The following RCAN3 variants were observed in gnomAD, a reference collection of about 807,000 sequenced individuals.
RCAN3 encodes calcipressin-3.
In RCAN3, 19 loss-of-function variants were observed where a neutral mutation model predicts 21.9. That is an observed-to-expected ratio of 0.87 (90% confidence interval 0.61 to 1.27). RCAN3 has a LOEUF of 1.27. Ranked by LOEUF, RCAN3 falls within the 50% of genes most tolerant of loss-of-function variation. RCAN3 has a pLI of 0.00. For missense variants in RCAN3, 240 were observed against 300.1 expected, an observed-to-expected ratio of 0.80 and a Z score of 1.48; for synonymous variants, 114 against 112.3, an observed-to-expected ratio of 1.01 and a Z score of -0.09.
At chr1:24,532,745 G>A (rs998603511) in intron 3 of RCAN3, among the ~76,000 whole-genome samples, 3 of 150,496 alleles carry the variant, frequency 2.0e-5, no homozygotes, top group Non-Finnish European at 3.0e-5. Flanking sequence ...TCAGGAGATC[G>A]AGACCATCCT....
chr1:24,533,311 C>A, intron 4 of RCAN3, 57 bp downstream of exon 4: 1 of 1,373,918 alleles, frequency 7.3e-7, no homozygotes, highest in South Asian at 1.6e-5. Flanking sequence ...TATTGAAGAT[C>A]GTATTCAGCA....
chr1:24,519,433 A>G (rs749301924), intron 2 of RCAN3, among the ~76,000 whole-genome samples: 5 of 152,020 alleles, frequency 3.3e-5, no homozygotes, highest in Non-Finnish European at 7.4e-5. Flanking sequence ...TAACATGAGA[A>G]ATGGGACTGT....
intron 1 of RCAN3, chr1:24,507,807 G>A (rs574863826): frequency 7.9e-5 from 12 of 152,398 alleles, no homozygotes; most frequent in Admixed American, 2.0e-4. Flanking sequence ...ACGGCTAGGC[G>A]TGGTGGCGGC....
chr1:24,525,885 C>T lies in RCAN3; in HGVS notation c.196-5333C>T, dbSNP rs1469550201. Among the ~76,000 whole-genome samples the T allele has an allele frequency of 6.6e-6, 1 of 152,146 alleles. No homozygotes were observed. The highest frequency in any genetic ancestry group is 2.4e-5 in the African/African-American group (1 of 41,418). ...AGGGCAAAGCTACCAGCTGAGGGCT[C>T]GTAACCATTTTTCACAAATAGGAAA... On this transcript the variant is annotated intron_variant, in intron 2 of 4. Transcript: ENST00000374395. This position sits in a 1 kb window ranked among gnomAD's most constrained non-coding sequence, Gnocchi z 4.1.
chr1:24,523,635 C>T (rs911408668), intron 2 of RCAN3, among the ~76,000 whole-genome samples: 10,284 of 139,646 alleles, frequency 0.074, 1,164 homozygotes, highest in African/African-American at 0.26. Context: ...CACACACACA[C>T]ACACACATAT....
Position 24,539,725 on chromosome 1 carries a change from A to G in RCAN3, c.*4448A>G, listed in dbSNP as rs1037149176. 1.3e-5 allele frequency: 2 copies of G among 152,210 alleles called. No individual in the cohort carries two copies. The highest frequency in any genetic ancestry group is 2.4e-5 in the African/African-American group (1 of 41,444). The allele number at this position is 152,210 out of a possible 1,614,324, so 9.4% of individuals were successfully genotyped here. A position where few individuals can be genotyped will look rare whatever the true frequency, so the allele number is the denominator to read the frequency against. On this transcript the variant is annotated 3_prime_UTR_variant, in exon 5 of 5. Coordinates refer to ENST00000374395, the MANE Select transcript of RCAN3 (RefSeq NM_013441.4). Reference sequence around the variant, plus strand: ...TCTCACACATAATTAAGCAGTGGAAAATGTGCTCAATGCTATGGTGCGTCA... The same window carrying G: ...TCTCACACATAATTAAGCAGTGGAAGATGTGCTCAATGCTATGGTGCGTCA...
intron 1 of RCAN3, among the ~76,000 whole-genome samples, chr1:24,510,538 C>T (rs1328968086): frequency 6.6e-6 from 1 of 152,232 alleles, no homozygotes; most frequent in East Asian, 1.9e-4. Flanking sequence ...CTTCAGCTTC[C>T]TCAGCTCTCT....
At chr1:24,513,953 A>T (rs899170673) in intron 1 of RCAN3, among the ~76,000 whole-genome samples, 18 of 152,338 alleles carry the variant, frequency 1.2e-4, no homozygotes, top group African/African-American at 4.1e-4. Flanking sequence ...AAAACCCCAA[A>T]CAAATATGTG....
intron 2 of RCAN3, among the ~76,000 whole-genome samples, chr1:24,517,089 T>G (rs1219830292): frequency 3.4e-5 from 5 of 147,400 alleles, no homozygotes; most frequent in African/African-American, 1.3e-4. Flanking sequence ...TTTTTGTTTT[T>G]TTTTGTTTTT....
At position 24,524,739 on chromosome 1, in the gene RCAN3, C is replaced by G. The variant is rs561836457; in HGVS notation, c.196-6479C>G. On this transcript the variant is annotated intron_variant, in intron 2 of 4. Transcript: ENST00000374395. ...AATATAAATCTCTTGCCTTAGGATG[C>G]TAAAGATAATTTCACTGCTGAATGG... Among the ~76,000 whole-genome samples, 217 of 151,946 alleles carry G rather than the reference C, an allele frequency of 1.4e-3. 1 individual carries two copies. The highest frequency in any genetic ancestry group is 1.9e-3 in the Non-Finnish European group (128 of 67,980).
chr1:24,518,161 T>TA lies in RCAN3; in HGVS notation c.195+3601dup, dbSNP rs939638116. On this transcript the variant is annotated intron_variant, in intron 2 of 4. Transcript: ENST00000374395. ...CCAACATAGCAAGACCCCATCTCTA[T>TA]AAAAAAATTTTTTTTTCCCAGCTTG... Among the ~76,000 whole-genome samples, 10 of 151,884 alleles carry TA rather than the reference T, an allele frequency of 6.6e-5. 1 individual carries two copies. Among genetic ancestry groups the TA allele is most frequent in the Non-Finnish European group, 1.0e-4 (7 of 67,980 alleles).
At chr1:24,521,909 G>T (rs988023518) in intron 2 of RCAN3, among the ~76,000 whole-genome samples, 1 of 151,790 alleles carries the variant, frequency 6.6e-6, no homozygotes. Flanking sequence ...TTGCTGGGGG[G>T]GGTGGGGAAA....
Position 24,514,332 on chromosome 1 carries a change from C to G in RCAN3, c.-41C>G. The G allele has an allele frequency of 5.8e-6, 9 of 1,556,528 alleles. No homozygotes were observed. The highest frequency in any genetic ancestry group is 7.8e-6 in the Non-Finnish European group (9 of 1,149,292). On this transcript the variant is annotated 5_prime_UTR_variant, in exon 2 of 5. The change creates a new upstream start codon in the 5' untranslated region. Coordinates refer to ENST00000374395, the MANE Select transcript of RCAN3 (RefSeq NM_013441.4). ...TTAACAGTGGGTGCCTGATAGACAT[C>G]CTAGGACTATACAGAAGGAAAAGGC...
chr1:24,531,713 A>G (rs970667531), intron 3 of RCAN3, among the ~76,000 whole-genome samples: 16 of 152,184 alleles, frequency 1.1e-4, no homozygotes, highest in Admixed American at 2.0e-4. Context: ...TCTCCTGTGC[A>G]TCTAGAATGG....
chr1:24,504,440 T>G (rs1345975888), intron 1 of RCAN3, among the ~76,000 whole-genome samples: 1 of 148,054 alleles, frequency 6.8e-6, no homozygotes, highest in Non-Finnish European at 1.5e-5. Flanking sequence ...AGTGCTGAGA[T>G]TACAGGCATG....
chr1:24,533,258 AT>A lies in RCAN3; in HGVS notation c.541+5del. The A allele has an allele frequency of 6.6e-7, 1 of 1,524,810 alleles. No individual in the cohort carries two copies. Among genetic ancestry groups the A allele is most frequent in the Non-Finnish European group, 8.8e-7 (1 of 1,138,636 alleles). The allele number at this position is 1,524,810 out of a possible 1,614,324, so 94.5% of individuals were successfully genotyped here. On this transcript the variant is annotated splice_donor_5th_base_variant and intron_variant, in intron 4 of 4. Transcript: ENST00000374395. ...GCTGTTTCCAAATTGGGACCAGGTA[AT>A]AAACTTCTATTTTTCCTATTTTCTT...
At chr1:24,523,979 A>G (rs1466703442) in intron 2 of RCAN3, among the ~76,000 whole-genome samples, 1 of 152,106 alleles carries the variant, frequency 6.6e-6, no homozygotes, top group Non-Finnish European at 1.5e-5. Flanking sequence ...TAATCCCAGC[A>G]CTTTGGGAGG....
At chr1:24,505,182 G>A (rs112086465) in intron 1 of RCAN3, among the ~76,000 whole-genome samples, 2,020 of 147,458 alleles carry the variant, frequency 0.014, 59 homozygotes, top group African/African-American at 0.047. Flanking sequence ...TCGCATTGAC[G>A]ATCCTAAGTG....
In RCAN3 at chr1:24,535,467, TAAGTGATATTCCAA is replaced by T; in HGVS notation, c.*194_*207del. On this transcript the variant is annotated 3_prime_UTR_variant, in exon 5 of 5. Coordinates refer to ENST00000374395, the MANE Select transcript of RCAN3 (RefSeq NM_013441.4). ...AGCTGATTTGACCTGTCCCAGATTT[TAAGTGATATTCCAA>T]AAGGGACTTTACATTAAAGGAGAAG... 2.1e-6 allele frequency: 1 copy of T among 482,268 alleles called. No individual in the cohort carries two copies. The highest frequency in any genetic ancestry group is 3.3e-6 in the Non-Finnish European group (1 of 298,538). 29.9% of individuals were successfully genotyped at this position (482,268 alleles called of 1,614,324 possible).
Sources: allele counts gnomAD v4.1 joint callset (sites outside exome capture counted in the v4.1 genomes callset), GRCh38; gene constraint gnomAD v4.1.1; non-coding constraint Gnocchi (gnomAD v3.1); transcripts MANE v1.5; gene names NCBI Gene and HGNC (gene_info 2026-07-23, HGNC 2026-07-21).